The following CHCHD3 variants were observed in gnomAD, a reference collection of about 807,000 sequenced individuals.
CHCHD3 encodes coiled-coil-helix-coiled-coil-helix domain containing 3.
A neutral mutation model predicts 38.2 loss-of-function variants in CHCHD3; 20 were observed. The observed-to-expected ratio is 0.52, with a 90% CI of 0.37 to 0.76. CHCHD3 has a LOEUF of 0.76. Ranked by LOEUF, CHCHD3 falls within the 30% of genes least tolerant of loss-of-function variation. CHCHD3 has a pLI of 0.00. For missense variants in CHCHD3, 245 were observed against 279.2 expected (o/e 0.88, Z 0.87); for synonymous variants, 82 against 100.0 (o/e 0.82, Z 1.07).
chr7:132,933,306 CAT>C (rs34042115), intron 4 of CHCHD3, among the ~76,000 whole-genome samples: 7,482 of 152,226 alleles, frequency 0.049, 241 homozygotes, highest in Non-Finnish European at 0.071. Context: ...TCAGTTCTGC[CAT>C]AGTTTTATAA....
At chr7:132,913,356 G>A (rs1382973417) in intron 4 of CHCHD3, among the ~76,000 whole-genome samples, 1 of 152,166 alleles carries the variant, frequency 6.6e-6, no homozygotes, top group African/African-American at 2.4e-5. Flanking sequence ...TGGAACTTTA[G>A]AGAAGGGGAA....
At chr7:132,802,069 T>C (rs1180167529) in intron 6 of CHCHD3, among the ~76,000 whole-genome samples, 1 of 152,212 alleles carries the variant, frequency 6.6e-6, no homozygotes, top group Non-Finnish European at 1.5e-5. Flanking sequence ...ACAGTTCTTA[T>C]GCCAATAGGC....
chr7:132,870,873 A>G (rs1035460722), intron 5 of CHCHD3, among the ~76,000 whole-genome samples: 47 of 152,270 alleles, frequency 3.1e-4, no homozygotes, highest in African/African-American at 1.1e-3. Context: ...TTTCTGTTTC[A>G]TTGCTTGAAA....
chr7:132,865,881 C>T (rs1808611933), intron 5 of CHCHD3, among the ~76,000 whole-genome samples: 1 of 152,030 alleles, frequency 6.6e-6, no homozygotes, highest in African/African-American at 2.4e-5. Flanking sequence ...AACACTTGTG[C>T]CTGGGTCGTG....
chr7:133,015,204 G>A (rs1490456834), intron 3 of CHCHD3, among the ~76,000 whole-genome samples: 1 of 152,042 alleles, frequency 6.6e-6, no homozygotes, highest in Non-Finnish European at 1.5e-5. Context: ...CTAGCTGGGT[G>A]TGGTGGCGCA....
intron 6 of CHCHD3, among the ~76,000 whole-genome samples, chr7:132,820,611 G>GT (rs748470167): frequency 0.23 from 21,799 of 96,194 alleles, 2,866 homozygotes; most frequent in East Asian, 0.53. Flanking sequence ...ATGTGCTAGT[G>GT]TTTTTTTTTT....
chr7:132,998,297 A>G (rs1284175636), intron 3 of CHCHD3, among the ~76,000 whole-genome samples: 6 of 152,230 alleles, frequency 3.9e-5, no homozygotes, highest in African/African-American at 1.4e-4. Flanking sequence ...CCTGAATATA[A>G]GTTTTAATAT....
chr7:132,838,598 G>A (rs1807855789), intron 5 of CHCHD3, 129 bp from the exon 6 acceptor site: 1 of 637,078 alleles, frequency 1.6e-6, no homozygotes, highest in Admixed American at 2.9e-5. Context: ...TTCTTGTATA[G>A]GTGGCATGGA....
chr7:132,944,433 AAAAAG>A (rs1214514249), intron 4 of CHCHD3, among the ~76,000 whole-genome samples: 1 of 151,946 alleles, frequency 6.6e-6, no homozygotes, highest in Non-Finnish European at 1.5e-5. Context: ...AAGAAAAAAA[AAAAAG>A]AAAACACCAC....
At chr7:132,948,809 CA>C (rs1046011364) in intron 4 of CHCHD3, among the ~76,000 whole-genome samples, 8 of 152,034 alleles carry the variant, frequency 5.3e-5, no homozygotes, top group Non-Finnish European at 1.0e-4. Flanking sequence ...GAGAAATTCT[CA>C]AGGATAATGT....
chr7:132,839,156 C>A (rs1807875706), intron 5 of CHCHD3, among the ~76,000 whole-genome samples: 1 of 151,290 alleles, frequency 6.6e-6, no homozygotes, highest in Non-Finnish European at 1.5e-5. Flanking sequence ...GGAGCCATTG[C>A]ACTCCAGTCT....
chr7:132,819,390 A>C (rs1404340537), intron 6 of CHCHD3, among the ~76,000 whole-genome samples: 1 of 152,198 alleles, frequency 6.6e-6, no homozygotes, highest in Non-Finnish European at 1.5e-5. Flanking sequence ...CACACACGAG[A>C]AAACGCACTT....
chr7:133,013,307 C>A (rs4728278), intron 3 of CHCHD3, among the ~76,000 whole-genome samples: 1 of 151,760 alleles, frequency 6.6e-6, no homozygotes, highest in East Asian at 1.9e-4. Flanking sequence ...ATGGGTGACT[C>A]CAGATGCCGA....
chr7:132,885,243 T>G (rs548811940), intron 5 of CHCHD3, among the ~76,000 whole-genome samples: 2 of 152,012 alleles, frequency 1.3e-5, no homozygotes, highest in Non-Finnish European at 2.9e-5. Flanking sequence ...CAGAGTGAGA[T>G]TCCATTTCAA....
intron 6 of CHCHD3, among the ~76,000 whole-genome samples, chr7:132,836,179 T>G (rs1024811338): frequency 9.2e-5 from 14 of 152,084 alleles, no homozygotes; most frequent in Non-Finnish European, 1.5e-5. Context: ...AATGGCATGA[T>G]CTCAGCTCAC....
At chr7:132,914,970 T>C (rs1398860296) in intron 4 of CHCHD3, among the ~76,000 whole-genome samples, 2 of 152,100 alleles carry the variant, frequency 1.3e-5, no homozygotes, top group Non-Finnish European at 2.9e-5. Context: ...GAGACGAGCC[T>C]GGCCAGCATG....
chr7:132,841,401 CA>C (rs10718893), intron 5 of CHCHD3, among the ~76,000 whole-genome samples: 70,897 of 126,640 alleles, frequency 0.56, 17,720 homozygotes, highest in South Asian at 0.61. Flanking sequence ...AGAACTCATT[CA>C]AAAAAAAAAA....
At chr7:132,839,524 A>C (rs1807884459) in intron 5 of CHCHD3, among the ~76,000 whole-genome samples, 1 of 152,238 alleles carries the variant, frequency 6.6e-6, no homozygotes, top group African/African-American at 2.4e-5. Context: ...CTGCATTAAA[A>C]AACAACAACA....
intron 5 of CHCHD3, among the ~76,000 whole-genome samples, chr7:132,874,852 G>A (rs1808856324): frequency 6.6e-6 from 1 of 152,172 alleles, no homozygotes; most frequent in Non-Finnish European, 1.5e-5. Flanking sequence ...AGAGAATTCA[G>A]AGAGAAAGAA....
Sources: allele counts gnomAD v4.1 joint callset (sites outside exome capture counted in the v4.1 genomes callset), GRCh38; gene constraint gnomAD v4.1.1; transcripts MANE v1.5; gene names NCBI Gene and HGNC (gene_info 2026-07-23, HGNC 2026-07-21).